Variants in AFAP1 observed in about 807,000 individuals in gnomAD.
The protein encoded by AFAP1 is actin filament-associated protein 1.
Under a neutral mutation model 93.9 loss-of-function variants are expected in AFAP1, and 75 were observed. The ratio of observed to expected loss-of-function variants is 0.80; its 90% CI spans 0.66 to 0.97. The LOEUF is 0.97. Among genes scored for constraint, AFAP1 ranks in the 50% least tolerant of loss-of-function variants. The probability of loss-of-function intolerance (pLI) is 0.00; values close to 1 mark genes in which losing one functional copy is unlikely to be tolerated. For missense variants in AFAP1, 1,201 were observed against 1,050.8 expected (o/e 1.14, Z -1.98); for synonymous variants, 517 against 430.7 (o/e 1.20, Z -2.48).
chr4:7,798,858 G>T, intron 10 of AFAP1: 7 of 952,694 alleles, frequency 7.3e-6, no homozygotes, highest in Non-Finnish European at 8.8e-6. Flanking sequence ...TTCTCTGTCT[G>T]GGCACTTGCC....
intron 1 of AFAP1, among the ~76,000 whole-genome samples, chr4:7,924,422 T>C (rs932348330): frequency 1.3e-5 from 2 of 152,180 alleles, no homozygotes; most frequent in African/African-American, 2.4e-5. Flanking sequence ...GAGCCAGCGG[T>C]GGATCAAAAC....
At chr4:7,767,852 T>C (rs1046909262) in intron 17 of AFAP1, among the ~76,000 whole-genome samples, 1 of 152,070 alleles carries the variant, frequency 6.6e-6, no homozygotes, top group Non-Finnish European at 1.5e-5. Flanking sequence ...GGTAGGAGGA[T>C]CACTTGAGCC....
In AFAP1 at chr4:7,800,519, C is replaced by A. The variant is rs1389604426; in HGVS notation, c.1189G>T (p.Val397Leu). The A allele has an allele frequency of 5.6e-6, 9 of 1,614,118 alleles. No homozygotes were observed. Among genetic ancestry groups the A allele is most frequent in the African/African-American group, 5.3e-5 (4 of 74,948 alleles). Reference protein sequence around the residue: ...IVSIPLRGCEVIPGLDSKHPL... With the variant: ...IVSIPLRGCELIPGLDSKHPL... ...TGTTTAGAATCCAAACCCGGGATCACCTCGCAGCCACGGAGCGGAATAGAC... is the reference window on the plus strand; with the variant it reads ...TGTTTAGAATCCAAACCCGGGATCAACTCGCAGCCACGGAGCGGAATAGAC... The change falls in exon 10 of 18, where the codon GTG becomes TTG. Residue 397 changes from valine to leucine, a missense_variant. By Grantham distance (32) the Val-to-Leu change is conservative. Transcript: ENST00000420658.
chr4:7,825,655 A>G (rs971766042), intron 6 of AFAP1, among the ~76,000 whole-genome samples: 2 of 152,224 alleles, frequency 1.3e-5, no homozygotes, highest in Admixed American at 6.5e-5. Context: ...AAACTCAATT[A>G]TCTAAGTGTA....
At chr4:7,890,025 G>T (rs74507285) in intron 1 of AFAP1, among the ~76,000 whole-genome samples, 10,623 of 77,768 alleles carry the variant, frequency 0.14, 466 homozygotes, top group African/African-American at 0.19. Context: ...AAAAAAAAAA[G>T]AAGCCAATTC....
chr4:7,859,865 G>A (rs1486143777), intron 3 of AFAP1, among the ~76,000 whole-genome samples: 1 of 152,094 alleles, frequency 6.6e-6, no homozygotes, highest in African/African-American at 2.4e-5. Context: ...TAAACAAAAA[G>A]AATTCACAGA....
At chr4:7,922,963 C>T (rs11732100) in intron 1 of AFAP1, among the ~76,000 whole-genome samples, 47,836 of 152,026 alleles carry the variant, frequency 0.31, 9,077 homozygotes, top group Non-Finnish European at 0.44. Flanking sequence ...TCCTGCATTC[C>T]AGCCTGAGCA....
intron 10 of AFAP1, 29 bp downstream of exon 10, chr4:7,800,413 T>C (rs1443197213): frequency 1.2e-6 from 2 of 1,610,542 alleles, no homozygotes; most frequent in Non-Finnish European, 8.5e-7. Context: ...TGTCCCTCTG[T>C]GGAGTACAGC....
rs947411676 is a variant in AFAP1, at chr4:7,762,377, C to A, written c.*1388G>T. ...CTGTATTCTATGCTTGGGGAAGGGGCGGTTGCTACTGGGACTGGTCTCCAT... is the reference window on the plus strand; with the variant it reads ...CTGTATTCTATGCTTGGGGAAGGGGAGGTTGCTACTGGGACTGGTCTCCAT... On this transcript the variant is annotated 3_prime_UTR_variant, in exon 18 of 18. Transcript: ENST00000420658. 1 of 152,150 alleles carries A rather than the reference C, an allele frequency of 6.6e-6. No homozygotes were observed. The highest frequency in any genetic ancestry group is 1.5e-5 in the Non-Finnish European group (1 of 68,054). 9.4% of individuals were successfully genotyped at this position (152,150 alleles called of 1,614,324 possible).
At chr4:7,932,566 T>C (rs1442405126) in intron 1 of AFAP1, among the ~76,000 whole-genome samples, 2 of 152,158 alleles carry the variant, frequency 1.3e-5, no homozygotes, top group Non-Finnish European at 2.9e-5. Flanking sequence ...TTTCTTCCAA[T>C]AGAGGAATTA....
chr4:7,793,964 C>G (rs1480693763), intron 10 of AFAP1, 138 bp from the exon 11 acceptor site: 9 of 978,446 alleles, frequency 9.2e-6, no homozygotes, highest in Non-Finnish European at 1.3e-5. Flanking sequence ...AGGAAGATGG[C>G]TGAGCGATGG....
chr4:7,892,679 A>G lies in AFAP1; in HGVS notation c.-2-20599T>C, dbSNP rs115203825. ...GGGTAGAGTGGAGACAGCAGCTTCC[A>G]GGGTGCCTAGAACACGAACCCCCAA... is the stretch of plus-strand genomic sequence containing the variant. On this transcript the variant is annotated intron_variant, in intron 1 of 17. Transcript: ENST00000420658. Among the ~76,000 whole-genome samples the G allele has an allele frequency of 5.8e-3, 881 of 152,248 alleles. 6 individuals are homozygous for G. The highest frequency in any genetic ancestry group is 0.019 in the African/African-American group (776 of 41,540).
chr4:7,840,881 A>G (rs1038858142), intron 5 of AFAP1, among the ~76,000 whole-genome samples: 5 of 152,242 alleles, frequency 3.3e-5, no homozygotes, highest in South Asian at 4.1e-4. Flanking sequence ...TCGACATGTA[A>G]TAACTGTACA....
chr4:7,828,375 G>C (rs1258301764), intron 6 of AFAP1, among the ~76,000 whole-genome samples: 2 of 152,176 alleles, frequency 1.3e-5, no homozygotes, highest in African/African-American at 4.8e-5. Flanking sequence ...GGGTGTTTTG[G>C]TTTATTTTGA....
Position 7,763,757 on chromosome 4 carries a change from G to C in AFAP1, c.*8C>G, listed in dbSNP as rs1218871129. On this transcript the variant is annotated 3_prime_UTR_variant, in exon 18 of 18. Coordinates refer to ENST00000420658, the MANE Select transcript of AFAP1 (RefSeq NM_001134647.2). ...CAGTCTCTGAGGCTGGAGTGGTGCT[G>C]CTGTCCCCTAGGTCCCGTTCTTCAA... The C allele has an allele frequency of 6.4e-7, 1 of 1,551,658 alleles. No homozygotes were observed. Among genetic ancestry groups the C allele is most frequent in the Middle Eastern group, 1.7e-4 (1 of 5,988 alleles).
At chr4:7,790,242 A>T (rs1373762072) in intron 11 of AFAP1, among the ~76,000 whole-genome samples, 1 of 152,238 alleles carries the variant, frequency 6.6e-6, no homozygotes, top group Non-Finnish European at 1.5e-5. Flanking sequence ...TTTGGCTAGA[A>T]AACTTGAAAA....
chr4:7,839,051 T>C (rs1370892786), intron 5 of AFAP1, among the ~76,000 whole-genome samples: 1 of 152,238 alleles, frequency 6.6e-6, no homozygotes, highest in East Asian at 1.9e-4. Flanking sequence ...AATAAAAACA[T>C]AGGCTGGGCA....
chr4:7,918,731 A>C (rs1720250528), intron 1 of AFAP1, among the ~76,000 whole-genome samples: 1 of 125,432 alleles, frequency 8.0e-6, no homozygotes. Context: ...TGGATGAGAC[A>C]CTCAGCCCAG....
chr4:7,868,747 C>G (rs1463881154), intron 2 of AFAP1, 28 bp from the exon 3 acceptor site: 1 of 1,603,138 alleles, frequency 6.2e-7, no homozygotes, highest in Non-Finnish European at 8.5e-7. Context: ...AACCACAGAA[C>G]TGGATGAGGA....
Sources: allele counts gnomAD v4.1 joint callset (sites outside exome capture counted in the v4.1 genomes callset), GRCh38; gene constraint gnomAD v4.1.1; transcripts MANE v1.5; gene names NCBI Gene and HGNC (gene_info 2026-07-23, HGNC 2026-07-21).